The following SENP7 variants were observed in gnomAD, a reference collection of about 807,000 sequenced individuals.
SENP7 encodes the protein SUMO specific peptidase 7.
Under a neutral mutation model 141.2 loss-of-function variants are expected in SENP7, and 64 were observed. That is an observed-to-expected ratio of 0.45 (90% CI 0.37 to 0.56). SENP7 has a LOEUF of 0.56. Among genes scored for constraint, SENP7 ranks in the 20% least tolerant of loss-of-function variants. The probability of loss-of-function intolerance (pLI) is 0.00; values close to 1 mark genes in which losing one functional copy is unlikely to be tolerated. For synonymous variants in SENP7, 382 were observed against 426.4 expected (o/e 0.90, Z 1.28); for missense variants, 1,025 against 1,212.2 (o/e 0.85, Z 2.29).
chr3:101,402,062 G>C (rs1215383073), intron 5 of SENP7, among the ~76,000 whole-genome samples: 1 of 151,312 alleles, frequency 6.6e-6, no homozygotes, highest in Non-Finnish European at 1.5e-5. Context: ...AGCAAGTACT[G>C]ATGGAGAAGC....
intron 3 of SENP7, among the ~76,000 whole-genome samples, chr3:101,491,010 T>G (rs1346698264): frequency 4.6e-5 from 7 of 152,014 alleles, no homozygotes; most frequent in Admixed American, 4.6e-4. Flanking sequence ...AAAAACAGTA[T>G]AAACCCATAT....
rs60554420 is a variant in SENP7, at chr3:101,325,942, A to G, written c.*1T>C. On this transcript the variant is annotated 3_prime_UTR_variant, in exon 24 of 24. Coordinates refer to ENST00000394095, the MANE Select transcript of SENP7 (RefSeq NM_020654.5). ...ATCTGTGTCATGTTTGTACAGATTA[A>G]CTAGCTACTGCTGCCCTTCTGTTGC... 2.3e-3 allele frequency: 3,732 copies of G among 1,607,560 alleles called. 67 individuals carry two copies. The African/African-American group carries it at 0.043, about 19-fold the overall frequency.
rs961018462 is a variant in SENP7 at position 101,509,261 on chromosome 3, C to T, written c.40+3830G>A. On this transcript the variant is annotated intron_variant, in intron 1 of 23. Coordinates refer to ENST00000394095, the MANE Select transcript of SENP7 (RefSeq NM_020654.5). ...TTCTAGAAATATTTCCTTCCCATCT[C>T]ATTTTCCCAGCTTACTTTTGCTGCC... Among the ~76,000 whole-genome samples the T allele has an allele frequency of 1.2e-4, 19 of 152,086 alleles. 1 individual carries two copies. The highest frequency in any genetic ancestry group is 3.4e-4 in the African/African-American group (14 of 41,406).
intron 13 of SENP7, among the ~76,000 whole-genome samples, chr3:101,344,749 T>G (rs2059411256): frequency 6.6e-6 from 1 of 152,122 alleles, no homozygotes; most frequent in South Asian, 2.1e-4. Flanking sequence ...AATTTCACTT[T>G]TTAGAAACTA....
At chr3:101,501,040 T>G (rs1262534916) in intron 2 of SENP7, 30 bp downstream of exon 2, 1 of 1,466,276 alleles carries the variant, frequency 6.8e-7, no homozygotes, top group Non-Finnish European at 9.5e-7. Flanking sequence ...ACTCCAAAGA[T>G]AATAGGTTAA....
chr3:101,384,882 C>T (rs114318027), intron 6 of SENP7, among the ~76,000 whole-genome samples: 2,541 of 152,320 alleles, frequency 0.017, 45 homozygotes, highest in Non-Finnish European at 0.025. Flanking sequence ...TGCTATGCTT[C>T]CTGTACAGTC....
intron 3 of SENP7, among the ~76,000 whole-genome samples, chr3:101,467,461 G>A (rs1352105294): frequency 6.6e-6 from 1 of 152,208 alleles, no homozygotes; most frequent in Non-Finnish European, 1.5e-5. Context: ...ATAGGTGGCT[G>A]CCCCTCTGGG....
At chr3:101,500,662 A>T (rs1374624362) in intron 2 of SENP7, among the ~76,000 whole-genome samples, 1 of 152,242 alleles carries the variant, frequency 6.6e-6, no homozygotes, top group East Asian at 1.9e-4. Context: ...AGAAGAAATA[A>T]ATGAAAAAAA....
At chr3:101,379,881 A>G (rs1412636027) in intron 6 of SENP7, among the ~76,000 whole-genome samples, 1 of 152,254 alleles carries the variant, frequency 6.6e-6, no homozygotes, top group Non-Finnish European at 1.5e-5. Context: ...ACCCATGTTC[A>G]TAATGGCATT....
intron 5 of SENP7, among the ~76,000 whole-genome samples, chr3:101,411,977 C>CT (rs2061468345): frequency 6.6e-6 from 1 of 152,112 alleles, no homozygotes; most frequent in Admixed American, 6.5e-5. Context: ...ATTATTCTCT[C>CT]TGACTCTTAG....
rs565923495 is a variant in SENP7 at position 101,335,991 on chromosome 3, G to A, written c.2480+1518C>T. 1.8e-4 allele frequency among the ~76,000 whole-genome samples: 28 copies of A among 152,166 alleles called. No homozygotes were observed. The South Asian group carries it at 5.8e-3, about 32-fold the overall frequency. Reference sequence around the variant, plus strand: ...ATCCCAGTTTGTCTAGAAAAGCCCTGGTATACGCACTCGTTGTCTAGTGTA... The same window carrying A: ...ATCCCAGTTTGTCTAGAAAAGCCCTAGTATACGCACTCGTTGTCTAGTGTA... On this transcript the variant is annotated intron_variant, in intron 17 of 23. Coordinates refer to ENST00000394095, the MANE Select transcript of SENP7 (RefSeq NM_020654.5).
At chr3:101,442,431 G>T (rs1215196203) in intron 4 of SENP7, among the ~76,000 whole-genome samples, 1 of 152,058 alleles carries the variant, frequency 6.6e-6, no homozygotes, top group African/African-American at 2.4e-5. Context: ...TCACAATAGG[G>T]TTCATGCTCC....
intron 2 of SENP7, among the ~76,000 whole-genome samples, chr3:101,499,254 T>C (rs893035378): frequency 2.0e-5 from 3 of 152,164 alleles, no homozygotes; most frequent in Non-Finnish European, 4.4e-5. Context: ...AATAATGCAA[T>C]AGTCTAAAGC....
chr3:101,487,162 ATAT>A (rs1363242065), intron 3 of SENP7, among the ~76,000 whole-genome samples: 1 of 152,188 alleles, frequency 6.6e-6, no homozygotes, highest in African/African-American at 2.4e-5. Flanking sequence ...CAGCAACGTA[ATAT>A]TAGTGGGGGA....
intron 3 of SENP7, among the ~76,000 whole-genome samples, chr3:101,481,910 C>T (rs2064499805): frequency 1.3e-5 from 2 of 152,132 alleles, no homozygotes; most frequent in South Asian, 4.1e-4. Context: ...AGCGAGGTTG[C>T]ATGATACAAG....
intron 11 of SENP7, chr3:101,357,942 G>A (rs2059787539): frequency 4.4e-6 from 3 of 679,078 alleles, no homozygotes; most frequent in Admixed American, 2.5e-5. Flanking sequence ...TGTAGAGAAC[G>A]TGGCAAAGCT....
intron 5 of SENP7, among the ~76,000 whole-genome samples, chr3:101,416,377 T>C (rs988998724): frequency 6.6e-6 from 1 of 152,198 alleles, no homozygotes; most frequent in African/African-American, 2.4e-5. Context: ...AGATGTAGGA[T>C]GAGGCGATTG....
intron 10 of SENP7, among the ~76,000 whole-genome samples, chr3:101,363,946 G>C (rs905700111): frequency 1.3e-5 from 2 of 152,176 alleles, no homozygotes; most frequent in African/African-American, 4.8e-5. Context: ...AGCTGGGAGC[G>C]GTAGCTCATG....
chr3:101,406,203 G>C (rs538589817), intron 5 of SENP7, among the ~76,000 whole-genome samples: 1 of 152,328 alleles, frequency 6.6e-6, no homozygotes, highest in African/African-American at 2.4e-5. Flanking sequence ...ATCAAAGATA[G>C]ATTGGATTAA....
Sources: allele counts gnomAD v4.1 joint callset (sites outside exome capture counted in the v4.1 genomes callset), GRCh38; gene constraint gnomAD v4.1.1; transcripts MANE v1.5; gene names NCBI Gene and HGNC (gene_info 2026-07-23, HGNC 2026-07-21).